IMPA1: variants seen among roughly 807,000 people sequenced by gnomAD.
The protein encoded by IMPA1 is D-galactose 1-phosphate phosphatase.
IMPA1 carries 21 observed loss-of-function variants against 34.9 expected under a neutral mutation model. That is an observed-to-expected ratio of 0.60 (90% CI 0.43 to 0.87). The LOEUF is 0.87. IMPA1 is among the 40% of genes least tolerant of loss of function. IMPA1 has a pLI of 0.00. For synonymous variants in IMPA1, 95 were observed against 104.4 expected (o/e 0.91, Z 0.55); for missense variants, 299 against 336.4 (o/e 0.89, Z 0.87).
intron 1 of IMPA1, among the ~76,000 whole-genome samples, chr8:81,682,481 G>A (rs1807329571): frequency 6.6e-6 from 1 of 152,172 alleles, no homozygotes; most frequent in South Asian, 2.1e-4. Context: ...GAGGACAGGA[G>A]TGGAAAGGAG....
At position 81,686,164 on chromosome 8, in the gene IMPA1, C is replaced by G. The variant is rs559057366; in HGVS notation, c.-25+88G>C. 1.3e-3 allele frequency: 1,195 copies of G among 941,522 alleles called. 2 individuals carry two copies. Among genetic ancestry groups the G allele is most frequent in the Admixed American group, 1.7e-3 (35 of 20,780 alleles). 58.3% of individuals were successfully genotyped at this position (941,522 alleles called of 1,614,324 possible). ...GCGCCGACCGCGCACGGCGCTCGCG[C>G]CCGCTCCTGAGGAGGGAAGGGGCCT... On this transcript the variant is annotated intron_variant, in intron 1 of 8. Transcript: ENST00000256108.
chr8:81,669,346 C>T (rs1806924305), intron 7 of IMPA1, among the ~76,000 whole-genome samples: 1 of 152,206 alleles, frequency 6.6e-6, no homozygotes, highest in African/African-American at 2.4e-5. Flanking sequence ...GGACTCCAAC[C>T]CATGCCAGTA....
At position 81,659,369 on chromosome 8, in the gene IMPA1, T is replaced by C. The variant is rs764082454; in HGVS notation, c.816A>G (p.Gln272=). ...IAKEIQVIPL[Q]RDDED ...GCCTTAATTAATCTTCGTCGTCTCGTTGCAAAGGTATAACCTGAATTTCTT... is the reference window on the plus strand; with the variant it reads ...GCCTTAATTAATCTTCGTCGTCTCGCTGCAAAGGTATAACCTGAATTTCTT... Residue 272 remains glutamine (Q), a synonymous_variant, in exon 9 of 9, where the codon CAA becomes CAG. Transcript: ENST00000256108. 14 of 1,603,350 alleles carry C rather than the reference T, an allele frequency of 8.7e-6. No individual in the cohort carries two copies. In the South Asian group the frequency reaches 1.1e-4, roughly 13 times the overall value.
intron 1 of IMPA1, among the ~76,000 whole-genome samples, chr8:81,682,014 G>C (rs114992717): frequency 0.012 from 1,823 of 152,194 alleles, 41 homozygotes; most frequent in African/African-American, 0.041. Flanking sequence ...TATGTGTAAA[G>C]ATGAAGAACT....
chr8:81,676,839 C>T lies in IMPA1; in HGVS notation c.303-560G>A, dbSNP rs945784262. 1.9e-4 allele frequency among the ~76,000 whole-genome samples: 29 copies of T among 152,006 alleles called. 1 individual carries two copies. The highest frequency in any genetic ancestry group is 7.0e-4 in the African/African-American group (29 of 41,474). On this transcript the variant is annotated intron_variant, in intron 4 of 8. Coordinates refer to ENST00000256108, the MANE Select transcript of IMPA1 (RefSeq NM_005536.4). ...TCCTGTTTCTACAAAAAAAAAGTCA[C>T]GAAATTATCTGAGTGTGGCGGTGCA...
chr8:81,660,569 G>A lies in IMPA1; in HGVS notation c.665C>T (p.Ala222Val). 1 of 1,613,836 alleles carries A rather than the reference G, an allele frequency of 6.2e-7. No individual in the cohort carries two copies. The highest frequency in any genetic ancestry group is 8.5e-7 in the Non-Finnish European group (1 of 1,179,792). Residue 222 changes from alanine to valine, a missense_variant, in exon 8 of 9, where the codon GCA (alanine) becomes GTA (valine). Physicochemically the swap from Ala to Val is moderately conservative, Grantham distance 64. Coordinates refer to ENST00000256108, the MANE Select transcript of IMPA1 (RefSeq NM_005536.4). Reference protein sequence around the residue: ...YEMGIHCWDVAGAGIIVTEAG... With the variant: ...YEMGIHCWDVVGAGIIVTEAG... ...TTCAGTAACAATAATGCCAGCTCCT[G>A]CAACATCCCAGCAGTGAATTCCCAT...
intron 7 of IMPA1, among the ~76,000 whole-genome samples, chr8:81,664,773 C>G (rs1054810935): frequency 6.6e-6 from 1 of 151,378 alleles, no homozygotes; most frequent in African/African-American, 2.4e-5. Flanking sequence ...TGCTAAATGA[C>G]GAGTTAATGC....
chr8:81,668,214 C>T (rs1280568262), intron 7 of IMPA1, among the ~76,000 whole-genome samples: 1 of 152,074 alleles, frequency 6.6e-6, no homozygotes, highest in East Asian at 1.9e-4. Context: ...ATAGAAGTAG[C>T]TGCATGGTTA....
At chr8:81,676,796 C>T (rs562815146) in intron 4 of IMPA1, among the ~76,000 whole-genome samples, 1 of 152,218 alleles carries the variant, frequency 6.6e-6, no homozygotes, top group African/African-American at 2.4e-5. Flanking sequence ...ACCAGCCTGG[C>T]TGGGCAACAT....
intron 1 of IMPA1, 80 bp from the exon 2 acceptor site, chr8:81,681,664 G>T: frequency 1.3e-6 from 1 of 791,936 alleles, no homozygotes. Flanking sequence ...ATTAGAAACA[G>T]ACTGTCATTT....
chr8:81,672,280 T>C (rs1390629735), intron 6 of IMPA1, among the ~76,000 whole-genome samples: 1 of 152,154 alleles, frequency 6.6e-6, no homozygotes, highest in African/African-American at 2.4e-5. Context: ...AAAACCTCAA[T>C]AAGCTGTGAG....
At chr8:81,663,498 CTGTGCG>C (rs1806734790) in intron 7 of IMPA1, among the ~76,000 whole-genome samples, 3 of 152,318 alleles carry the variant, frequency 2.0e-5, no homozygotes, top group Non-Finnish European at 1.5e-5. Flanking sequence ...TTCTATCCAG[CTGTGCG>C]ATCTCAAGCA....
At chr8:81,661,277 AAATT>A (rs1388325742) in intron 7 of IMPA1, among the ~76,000 whole-genome samples, 2 of 152,346 alleles carry the variant, frequency 1.3e-5, no homozygotes, top group East Asian at 1.9e-4. Context: ...ATCAATGTTA[AAATT>A]AATGGGTGAG....
intron 5 of IMPA1, chr8:81,674,161 A>T: frequency 2.2e-6 from 1 of 462,044 alleles, no homozygotes. Context: ...CCAAGTCCAG[A>T]TCTAAGAACA....
intron 1 of IMPA1, among the ~76,000 whole-genome samples, chr8:81,684,771 G>T (rs200329399): frequency 7.4e-6 from 1 of 135,564 alleles, no homozygotes; most frequent in African/African-American, 2.8e-5. Context: ...ATACTATGTG[G>T]AGTATATATA....
At chr8:81,671,829 G>A (rs1279300633) in intron 6 of IMPA1, among the ~76,000 whole-genome samples, 5 of 152,068 alleles carry the variant, frequency 3.3e-5, no homozygotes, top group Non-Finnish European at 7.4e-5. Flanking sequence ...CCCGGGAGGC[G>A]GAGGTTGCAG....
chr8:81,665,338 A>G (rs918179504), intron 7 of IMPA1, among the ~76,000 whole-genome samples: 3 of 152,222 alleles, frequency 2.0e-5, no homozygotes, highest in African/African-American at 7.2e-5. Context: ...AACTCAGGAA[A>G]GAAATGGGGG....
intron 1 of IMPA1, among the ~76,000 whole-genome samples, chr8:81,681,827 A>G (rs1450517749): frequency 6.6e-6 from 1 of 152,234 alleles, no homozygotes; most frequent in African/African-American, 2.4e-5. Flanking sequence ...GTACCATATT[A>G]CATTTTTTTA....
chr8:81,675,571 T>G (rs1238081889), intron 5 of IMPA1, among the ~76,000 whole-genome samples: 1 of 152,192 alleles, frequency 6.6e-6, no homozygotes, highest in Non-Finnish European at 1.5e-5. Flanking sequence ...CTGTCATTTG[T>G]CCAATATGTG....
Sources: gnomAD v4.1 joint callset for allele counts (sites outside exome capture counted in the v4.1 genomes callset) on GRCh38, gnomAD v4.1.1 for gene constraint, MANE v1.5 for transcripts, NCBI Gene and HGNC (gene_info 2026-07-23, HGNC 2026-07-21) for gene names.